OCIAD2: variants seen among roughly 807,000 people sequenced by gnomAD.
OCIAD2 encodes the protein OCIA domain containing 2.
A neutral mutation model predicts 22.9 loss-of-function variants in OCIAD2; 29 were observed. The observed-to-expected ratio is 1.27, with a 90% CI of 0.94 to 1.73. The LOEUF is 1.73. Among genes scored for constraint, OCIAD2 ranks in the 40% most tolerant of loss-of-function variants. The pLI, the probability that OCIAD2 is intolerant of heterozygous loss-of-function variation, is 0.00. For synonymous variants in OCIAD2, 67 were observed against 60.2 expected (o/e 1.11, Z -0.52); for missense variants, 189 against 180.3 (o/e 1.05, Z -0.28).
In OCIAD2 at chr4:48,899,814, GT is replaced by G; in HGVS notation, c.163+14del. 1.3e-6 allele frequency: 2 copies of G among 1,573,674 alleles called. No individual in the cohort carries two copies. Among genetic ancestry groups the G allele is most frequent in the Non-Finnish European group, 1.7e-6 (2 of 1,144,726 alleles). On this transcript the variant is annotated intron_variant, in intron 3 of 6. Coordinates refer to ENST00000508632, the MANE Select transcript of OCIAD2 (RefSeq NM_001014446.3). ...GGCAGTTTACTGCCACAAATACAGT[GT>G]TAGGTGCAATTACCTCTCTTCCAGA... is the stretch of plus-strand genomic sequence containing the variant.
At chr4:48,906,482 G>C (rs966228430) in intron 1 of OCIAD2, among the ~76,000 whole-genome samples, 176 bp downstream of exon 1, 2 of 152,204 alleles carry the variant, frequency 1.3e-5, no homozygotes, top group African/African-American at 4.8e-5. Context: ...AGCAGCCAGC[G>C]CCACCCCAAG....
chr4:48,897,622 C>T (rs1404022546), intron 4 of OCIAD2, among the ~76,000 whole-genome samples, 182 bp downstream of exon 4: 1 of 152,170 alleles, frequency 6.6e-6, no homozygotes, highest in Non-Finnish European at 1.5e-5. Flanking sequence ...CCAATATATT[C>T]ACTAATTCTG....
intron 6 of OCIAD2, among the ~76,000 whole-genome samples, chr4:48,891,409 A>G (rs1781175819): frequency 6.6e-6 from 1 of 152,200 alleles, no homozygotes; most frequent in African/African-American, 2.4e-5. Flanking sequence ...ATTATCAGCT[A>G]TGAATGCAAG....
intron 3 of OCIAD2, 74 bp downstream of exon 3, chr4:48,899,755 G>C: frequency 3.0e-6 from 3 of 1,003,726 alleles, no homozygotes; most frequent in Non-Finnish European, 4.6e-6. Context: ...CTGCTCAAAC[G>C]TAAGTCATTA....
intron 6 of OCIAD2, 147 bp from the exon 7 acceptor site, chr4:48,885,712 G>C (rs1780966116): frequency 5.4e-6 from 3 of 553,320 alleles, no homozygotes; most frequent in South Asian, 3.0e-5. Flanking sequence ...GGCTGGTCTC[G>C]AGGGCTCAAG....
intron 6 of OCIAD2, among the ~76,000 whole-genome samples, chr4:48,887,905 T>C (rs1360813134): frequency 6.6e-6 from 1 of 152,200 alleles, no homozygotes; most frequent in Admixed American, 6.5e-5. Context: ...GGGGATGGCA[T>C]TGAATCTATG....
At chr4:48,885,628 A>C in intron 6 of OCIAD2, 63 bp from the exon 7 acceptor site, 1 of 816,672 alleles carries the variant, frequency 1.2e-6, no homozygotes, top group Non-Finnish European at 2.1e-6. Flanking sequence ...TAGTCTTTAC[A>C]TAACATATTA....
chr4:48,897,657 A>G, intron 4 of OCIAD2, 147 bp downstream of exon 4: 1 of 713,216 alleles, frequency 1.4e-6, no homozygotes, highest in Non-Finnish European at 2.5e-6. Flanking sequence ...TTCTGGGGAG[A>G]TGGGGACTTA....
In OCIAD2 at chr4:48,899,819, G is replaced by T; in HGVS notation, c.163+10C>A. ...TTTACTGCCACAAATACAGTGTTAG[G>T]TGCAATTACCTCTCTTCCAGAAACT... On this transcript the variant is annotated intron_variant, in intron 3 of 6. Transcript: ENST00000508632. 6.3e-7 allele frequency: 1 copy of T among 1,593,268 alleles called. No homozygotes were observed. Among genetic ancestry groups the T allele is most frequent in the Non-Finnish European group, 8.6e-7 (1 of 1,162,382 alleles).
chr4:48,893,520 T>A (rs2109672932), intron 5 of OCIAD2: 1 of 152,488 alleles, frequency 6.6e-6, no homozygotes, highest in African/African-American at 2.4e-5. Flanking sequence ...ATTTTTTATA[T>A]CCATCGTAGA....
chr4:48,904,337 T>G, intron 2 of OCIAD2, 147 bp downstream of exon 2: 1 of 745,704 alleles, frequency 1.3e-6, no homozygotes, highest in Non-Finnish European at 2.3e-6. Context: ...GTCATCCCAG[T>G]TAAGTGAGAA....
chr4:48,885,641 C>T, intron 6 of OCIAD2, 76 bp from the exon 7 acceptor site: 1 of 783,214 alleles, frequency 1.3e-6, no homozygotes, highest in Non-Finnish European at 2.2e-6. Context: ...ACATATTATT[C>T]TTATTATTTT....
At chr4:48,903,314 C>T (rs1294216311) in intron 2 of OCIAD2, among the ~76,000 whole-genome samples, 1 of 152,124 alleles carries the variant, frequency 6.6e-6, no homozygotes, top group African/African-American at 2.4e-5. Context: ...CACCTGTCAG[C>T]AGCATAGGAT....
intron 3 of OCIAD2, 74 bp downstream of exon 3, chr4:48,899,755 G>A (rs1283970396): frequency 1.7e-5 from 17 of 1,003,608 alleles, no homozygotes; most frequent in East Asian, 4.9e-5. Context: ...CTGCTCAAAC[G>A]TAAGTCATTA....
chr4:48,890,337 T>C (rs2109668782), intron 6 of OCIAD2, among the ~76,000 whole-genome samples: 1 of 152,296 alleles, frequency 6.6e-6, no homozygotes, highest in Non-Finnish European at 1.5e-5. Context: ...ATGAGCTTTA[T>C]GTTGAAACAG....
chr4:48,900,483 T>G (rs1781392234), intron 2 of OCIAD2, among the ~76,000 whole-genome samples: 1 of 152,202 alleles, frequency 6.6e-6, no homozygotes, highest in Non-Finnish European at 1.5e-5. Flanking sequence ...TGCTTTTTTT[T>G]TTACACATTT....
At chr4:48,885,656 T>C in intron 6 of OCIAD2, 91 bp from the exon 7 acceptor site, 1 of 721,720 alleles carries the variant, frequency 1.4e-6, no homozygotes. Context: ...TATTTTAACA[T>C]AATCTTTTTA....
intron 4 of OCIAD2, among the ~76,000 whole-genome samples, chr4:48,894,453 G>A (rs945993775): frequency 1.3e-5 from 2 of 151,850 alleles, no homozygotes; most frequent in South Asian, 2.1e-4. Flanking sequence ...AGATGGCACC[G>A]ATGCACTCCA....
intron 2 of OCIAD2, among the ~76,000 whole-genome samples, chr4:48,904,226 A>G (rs1032597207): frequency 1.3e-5 from 2 of 152,108 alleles, no homozygotes; most frequent in African/African-American, 4.8e-5. Context: ...CCTAGATAGG[A>G]GGATTAATTG....
Sources: gnomAD v4.1 joint callset for allele counts (sites outside exome capture counted in the v4.1 genomes callset) on GRCh38, gnomAD v4.1.1 for gene constraint, MANE v1.5 for transcripts, NCBI Gene and HGNC (gene_info 2026-07-23, HGNC 2026-07-21) for gene names.